Variants in CREB5 observed in about 807,000 individuals in gnomAD.
The protein encoded by CREB5 is cAMP responsive element binding protein 5.
In CREB5, 19 loss-of-function variants were observed where a neutral mutation model predicts 57.1. The ratio of observed to expected loss-of-function variants is 0.33; its 90% confidence interval spans 0.23 to 0.49. CREB5 has a LOEUF of 0.49. Among genes scored for constraint, CREB5 ranks in the 20% least tolerant of loss-of-function variants. The pLI is 0.99. For synonymous variants in CREB5, 238 were observed against 238.3 expected (o/e 1.00, Z 0.01); for missense variants, 579 against 671.6 (o/e 0.86, Z 1.52).
At chr7:28,750,455 A>ATTATAAAT (rs1341523448) in intron 7 of CREB5, among the ~76,000 whole-genome samples, 1 of 152,220 alleles carries the variant, frequency 6.6e-6, no homozygotes, top group East Asian at 1.9e-4. Flanking sequence ...TTCACTTAAC[A>ATTATAAAT]TTATAAATTT....
At chr7:28,327,301 C>T (rs1443754071) in intron 1 of CREB5, among the ~76,000 whole-genome samples, 1 of 152,076 alleles carries the variant, frequency 6.6e-6, no homozygotes, top group African/African-American at 2.4e-5. Context: ...ATTTTGGCTC[C>T]AAGAAATGCT....
intron 4 of CREB5, among the ~76,000 whole-genome samples, chr7:28,560,855 T>TGTGC (rs1173366075): frequency 5.3e-5 from 3 of 56,388 alleles, no homozygotes; most frequent in African/African-American, 2.1e-4. Flanking sequence ...CGCGTGTGTG[T>TGTGC]GTGCGTGTGC....
chr7:28,490,867 A>G (rs1352391766), intron 2 of CREB5, among the ~76,000 whole-genome samples: 1 of 151,964 alleles, frequency 6.6e-6, no homozygotes, highest in Non-Finnish European at 1.5e-5. Context: ...ATGTTCTCCC[A>G]AACTATTTTA....
intron 7 of CREB5, among the ~76,000 whole-genome samples, chr7:28,778,195 G>A (rs35910392): frequency 0.25 from 38,565 of 152,146 alleles, 5,676 homozygotes; most frequent in Non-Finnish European, 0.34. Flanking sequence ...AGTAACTTGA[G>A]CACATCTTTA....
chr7:28,621,979 A>C (rs748398012), intron 5 of CREB5, among the ~76,000 whole-genome samples: 1 of 152,180 alleles, frequency 6.6e-6, no homozygotes, highest in African/African-American at 2.4e-5. Context: ...TTTGTTAGCG[A>C]ATAGATGATG....
intron 1 of CREB5, among the ~76,000 whole-genome samples, chr7:28,304,124 C>G (rs1313443213): frequency 2.0e-5 from 3 of 152,088 alleles, no homozygotes; most frequent in African/African-American, 7.2e-5. Flanking sequence ...TTTTCTTTAT[C>G]TACAAGTCTT....
chr7:28,640,557 A>C (rs1461098875), intron 5 of CREB5, among the ~76,000 whole-genome samples: 1 of 152,202 alleles, frequency 6.6e-6, no homozygotes, highest in Non-Finnish European at 1.5e-5. Flanking sequence ...ATTACATAGA[A>C]AGTGTTTCTA....
chr7:28,696,302 T>C (rs1583565913), intron 5 of CREB5, among the ~76,000 whole-genome samples: 2 of 152,382 alleles, frequency 1.3e-5, no homozygotes, highest in Middle Eastern at 3.4e-3. Context: ...CATCTTCAGC[T>C]GTGCGGATGC....
At chr7:28,636,288 G>A (rs1188754328) in intron 5 of CREB5, among the ~76,000 whole-genome samples, 3 of 152,112 alleles carry the variant, frequency 2.0e-5, no homozygotes, top group African/African-American at 7.2e-5. Flanking sequence ...GGGTGGGAGG[G>A]AGGAGGGATA....
At chr7:28,362,751 G>A (rs1036240885) in intron 1 of CREB5, among the ~76,000 whole-genome samples, 4 of 152,084 alleles carry the variant, frequency 2.6e-5, no homozygotes, top group African/African-American at 9.7e-5. Flanking sequence ...CTTGGGTAGA[G>A]GTACACACAC....
chr7:28,687,789 C>G lies in CREB5; in HGVS notation c.465-30964C>G, dbSNP rs987186337. 2.6e-5 allele frequency among the ~76,000 whole-genome samples: 4 copies of G among 151,890 alleles called. No individual in the cohort carries two copies. The East Asian group carries it at 7.7e-4, about 29-fold the overall frequency. ...TTTGGGCAGAGGTGGAAGTGGGGAGCAGAGGGGAGAAGTAATTTTTGGAGG... is the reference window on the plus strand; with the variant it reads ...TTTGGGCAGAGGTGGAAGTGGGGAGGAGAGGGGAGAAGTAATTTTTGGAGG... On this transcript the variant is annotated intron_variant, in intron 5 of 10. Coordinates refer to ENST00000357727, the MANE Select transcript of CREB5 (RefSeq NM_182898.4).
chr7:28,450,423 G>A (rs546778504), intron 1 of CREB5, among the ~76,000 whole-genome samples: 1 of 152,324 alleles, frequency 6.6e-6, no homozygotes, highest in African/African-American at 2.4e-5. Context: ...CCATTTGGAT[G>A]CTTGACTCGC....
chr7:28,754,418 C>CT (rs1344675604), intron 7 of CREB5, among the ~76,000 whole-genome samples: 1 of 152,200 alleles, frequency 6.6e-6, no homozygotes, highest in African/African-American at 2.4e-5. Flanking sequence ...ATTTCTGCTT[C>CT]TTTAAACATC....
chr7:28,802,243 C>T (rs183183881), intron 7 of CREB5, among the ~76,000 whole-genome samples: 139 of 152,060 alleles, frequency 9.1e-4, no homozygotes, highest in African/African-American at 3.2e-3. Context: ...ATGTGGCTAC[C>T]GAATCGGGAT....
chr7:28,443,256 T>C (rs1200664382), intron 1 of CREB5, among the ~76,000 whole-genome samples: 1 of 152,190 alleles, frequency 6.6e-6, no homozygotes, highest in East Asian at 1.9e-4. Context: ...GTGACCCAGG[T>C]GGCTGCTGAA....
chr7:28,816,965 G>A (rs190758316), intron 9 of CREB5, among the ~76,000 whole-genome samples: 78 of 152,238 alleles, frequency 5.1e-4, no homozygotes, highest in South Asian at 1.7e-3. Context: ...GAAGCATCTC[G>A]GAGCTACCAT....
chr7:28,464,496 C>CGTGTGTGTGTGTGTGT (rs71555745), intron 1 of CREB5, among the ~76,000 whole-genome samples: 6 of 139,574 alleles, frequency 4.3e-5, no homozygotes, highest in African/African-American at 1.4e-4. Flanking sequence ...TGGAAAGTTG[C>CGTGTGTGTGTGTGTGT]GTGTGTGTGT....
chr7:28,651,348 C>G (rs1439196052), intron 5 of CREB5, among the ~76,000 whole-genome samples: 2 of 152,112 alleles, frequency 1.3e-5, no homozygotes, highest in Admixed American at 6.6e-5. Flanking sequence ...GAAAGCATTT[C>G]CCACCAAATA....
intron 7 of CREB5, among the ~76,000 whole-genome samples, chr7:28,742,585 G>GAAAAT (rs1420163792): frequency 1.3e-5 from 2 of 151,466 alleles, no homozygotes; most frequent in African/African-American, 4.8e-5. Flanking sequence ...GAAAAGAAAA[G>GAAAAT]GAAAGAAAAG....
Sources: allele counts gnomAD v4.1 joint callset (sites outside exome capture counted in the v4.1 genomes callset), GRCh38; gene constraint gnomAD v4.1.1; transcripts MANE v1.5; gene names NCBI Gene and HGNC (gene_info 2026-07-23, HGNC 2026-07-21).